Variants in TBCD observed in about 807,000 individuals in gnomAD.
TBCD encodes the protein tubulin-specific chaperone D.
A neutral mutation model predicts 169.3 loss-of-function variants in TBCD; 105 were observed. That is an observed-to-expected ratio of 0.62 (90% CI 0.53 to 0.73). The LOEUF (loss-of-function observed/expected upper bound fraction) is 0.73. TBCD is among the 30% of genes least tolerant of loss of function. TBCD has a pLI of 0.00. For synonymous variants in TBCD, 700 were observed against 643.9 expected (o/e 1.09, Z -1.32); for missense variants, 1,444 against 1,600.1 (o/e 0.90, Z 1.66).
chr17:82,870,450 T>C (rs945981609), intron 14 of TBCD, 70 bp downstream of exon 14: 49 of 1,550,576 alleles, frequency 3.2e-5, no homozygotes, highest in Non-Finnish European at 4.2e-5. Context: ...GTTTCCTCCA[T>C]GAGAGGTGTG....
chr17:82,868,010 G>A (rs2057298792), intron 13 of TBCD, among the ~76,000 whole-genome samples: 1 of 152,204 alleles, frequency 6.6e-6, no homozygotes, highest in Non-Finnish European at 1.5e-5. Flanking sequence ...GCTGCCGTGT[G>A]TGGCCGTGCA....
chr17:82,823,452 C>T (rs920176783), intron 13 of TBCD, among the ~76,000 whole-genome samples: 5 of 152,132 alleles, frequency 3.3e-5, no homozygotes, highest in Admixed American at 6.5e-5. Flanking sequence ...GTACGTGGAC[C>T]GATTGTTCTT....
intron 13 of TBCD, chr17:82,858,766 C>A: frequency 1.7e-6 from 1 of 588,210 alleles, no homozygotes; most frequent in Non-Finnish European, 2.1e-6. Context: ...TCGGTGTGAA[C>A]GGGCCCTGCT....
chr17:82,850,406 TTGTTGGCTGTGC>T (rs1417509331), intron 13 of TBCD, among the ~76,000 whole-genome samples: 160 of 149,276 alleles, frequency 1.1e-3, no homozygotes, highest in Middle Eastern at 3.4e-3. Flanking sequence ...GGCTGTGCTG[TTGTTGGCTGTGC>T]TGTTGGCTGT....
chr17:82,848,815 G>A (rs895102629), intron 13 of TBCD, among the ~76,000 whole-genome samples: 4 of 150,780 alleles, frequency 2.7e-5, no homozygotes, highest in Admixed American at 2.0e-4. Flanking sequence ...GTCTTCCCCC[G>A]CTCTGCTGCG....
intron 6 of TBCD, among the ~76,000 whole-genome samples, chr17:82,773,251 A>C (rs1000898848): frequency 3.9e-5 from 6 of 152,168 alleles, no homozygotes; most frequent in Admixed American, 2.0e-4. Flanking sequence ...GTGTAGCTGC[A>C]ACTTGCACAG....
In TBCD at chr17:82,941,642, C is replaced by T. The variant is rs570461222; in HGVS notation, c.3564+159C>T. On this transcript the variant is annotated intron_variant, in intron 38 of 38. Coordinates refer to ENST00000355528, the MANE Select transcript of TBCD (RefSeq NM_005993.5). ...TGGGATTACGGGACCAGCAGAGCTG[C>T]CTTCTCTGGCCACTGCCCACACCTG... 1.2e-4 allele frequency: 77 copies of T among 664,592 alleles called. No individual in the cohort carries two copies. In the South Asian group the frequency reaches 1.4e-3, roughly 12 times the overall value. The allele number at this position is 664,592 out of a possible 1,614,324, so 41.2% of individuals were successfully genotyped here. A position where few individuals can be genotyped will look rare whatever the true frequency, so the allele number is the denominator to read the frequency against.
At chr17:82,855,235 CTTTTTTTTTTTTTTTTTT>C (rs58346723) in intron 13 of TBCD, among the ~76,000 whole-genome samples, 37 of 54,034 alleles carry the variant, frequency 6.8e-4, no homozygotes, top group East Asian at 2.0e-3. Flanking sequence ...AAGGTGTTTG[CTTTTTTTTTTTTTTTTTT>C]TTTTTTTTTT....
rs763970046 is a variant in TBCD, at chr17:82,831,738, G to A, written c.1318+16804G>A. The A allele has an allele frequency of 8.1e-6, 13 of 1,614,058 alleles. No individual in the cohort carries two copies. The South Asian group carries it at 1.2e-4, about 15-fold the overall frequency. On this transcript the variant is annotated intron_variant, in intron 13 of 38. Coordinates refer to ENST00000355528, the MANE Select transcript of TBCD (RefSeq NM_005993.5). The surrounding 1 kb of genome is among the most constrained non-coding windows in gnomAD (Gnocchi z 4.6). The stretch of plus-strand genomic sequence containing the variant: ...TGTAAAAGTGAGGCGGGTACTCTGG[G>A]ATTGTGGGGTGCATGTAAGGGGAAA...
Position 82,927,950 on chromosome 17 carries a change from G to C in TBCD, c.2655G>C (p.Leu885=), listed in dbSNP as rs1276762059. Residue 885 remains leucine (L), a synonymous_variant, in exon 30 of 39, where the codon CTG becomes CTC. Coordinates refer to ENST00000355528, the MANE Select transcript of TBCD (RefSeq NM_005993.5). Reference sequence around the variant, plus strand: ...CCAGTCTGATGGATCTGACACTTCTGCTGGCTCGGAGCCAGCCTGAGCTGA... The same window carrying C: ...CCAGTCTGATGGATCTGACACTTCTCCTGGCTCGGAGCCAGCCTGAGCTGA... ...AMTSLMDLTL[L]LARSQPELIE... 1.2e-6 allele frequency: 2 copies of C among 1,612,956 alleles called. No individual in the cohort carries two copies. The highest frequency in any genetic ancestry group is 2.2e-5 in the East Asian group (1 of 44,902).
intron 6 of TBCD, among the ~76,000 whole-genome samples, chr17:82,775,087 T>TC (rs2048505625): frequency 6.6e-6 from 1 of 152,118 alleles, no homozygotes; most frequent in Admixed American, 6.5e-5. Context: ...CTCCGTGGGG[T>TC]CCTCCGGGAA....
At chr17:82,784,184 A>G (rs2049140717) in intron 7 of TBCD, among the ~76,000 whole-genome samples, 1 of 152,040 alleles carries the variant, frequency 6.6e-6, no homozygotes, top group Non-Finnish European at 1.5e-5. Context: ...GGTACACAAC[A>G]CTAGTTTTTA....
intron 2 of TBCD, among the ~76,000 whole-genome samples, chr17:82,758,539 C>T (rs966239110): frequency 1.3e-4 from 19 of 148,080 alleles, no homozygotes; most frequent in African/African-American, 3.7e-4. Flanking sequence ...TGTGAGCCAG[C>T]GTGCCCAGCT....
intron 12 of TBCD, among the ~76,000 whole-genome samples, chr17:82,811,662 C>T (rs1390065449): frequency 2.0e-5 from 3 of 152,074 alleles, no homozygotes; most frequent in Admixed American, 6.5e-5. Flanking sequence ...CTCTGGACAG[C>T]GCCTGCTTTC....
intron 3 of TBCD, 70 bp from the exon 4 acceptor site, chr17:82,766,197 G>C: frequency 7.8e-7 from 1 of 1,288,038 alleles, no homozygotes; most frequent in South Asian, 1.3e-5. Flanking sequence ...TTTGATGAAA[G>C]GGTAGAAAGG....
intron 6 of TBCD, among the ~76,000 whole-genome samples, chr17:82,776,209 A>C (rs985691692): frequency 2.0e-5 from 3 of 151,740 alleles, no homozygotes; most frequent in Admixed American, 1.3e-4. Flanking sequence ...ACAGAGCAAG[A>C]CTCCATCTCA....
intron 13 of TBCD, among the ~76,000 whole-genome samples, chr17:82,856,325 G>A (rs892492724): frequency 6.6e-6 from 1 of 151,620 alleles, no homozygotes; most frequent in Admixed American, 6.6e-5. Context: ...GAAAGCTGGG[G>A]CCAGTAACAG....
At chr17:82,771,007 C>CAAG (rs1306524970) in intron 5 of TBCD, among the ~76,000 whole-genome samples, 2 of 140,030 alleles carry the variant, frequency 1.4e-5, no homozygotes, top group Admixed American at 1.5e-4. Context: ...AAGATTGCAC[C>CAAG]ACTGCACTCT....
At chr17:82,898,576 T>A (rs1039821405) in intron 17 of TBCD, among the ~76,000 whole-genome samples, 2 of 152,206 alleles carry the variant, frequency 1.3e-5, no homozygotes, top group African/African-American at 4.8e-5. Flanking sequence ...TTTTATTGAT[T>A]CAGAAGAACT....
Sources: allele counts gnomAD v4.1 joint callset (sites outside exome capture counted in the v4.1 genomes callset), GRCh38; gene constraint gnomAD v4.1.1; non-coding constraint Gnocchi (gnomAD v3.1); transcripts MANE v1.5; gene names NCBI Gene and HGNC (gene_info 2026-07-23, HGNC 2026-07-21).